The following NAA11 variants were observed in gnomAD, a reference collection of about 807,000 sequenced individuals.
NAA11 encodes the protein N-alpha-acetyltransferase 11, NatA catalytic subunit.
Under a neutral mutation model 16.1 loss-of-function variants are expected in NAA11, and 15 were observed. The ratio of observed to expected loss-of-function variants is 0.93; its 90% CI spans 0.62 to 1.44. NAA11 has a LOEUF of 1.44. NAA11 is among the 40% of genes most tolerant of loss of function. NAA11 has a pLI of 0.00. For missense variants in NAA11, 298 were observed against 291.3 expected, an observed-to-expected ratio of 1.02 and a Z score of -0.17; for synonymous variants, 122 against 112.4, an observed-to-expected ratio of 1.09 and a Z score of -0.54.
the NAA11 span, among the ~76,000 whole-genome samples, chr4:79,179,667 T>C: frequency 1.3e-5 from 2 of 152,248 alleles, no homozygotes; most frequent in South Asian, 2.1e-4. Flanking sequence ...CAAGGAAGTA[T>C]AAGGAAATAT....
chr4:79,189,145 C>CAAAAAAAAAAAAAAAAAAAAAAAA, the NAA11 span, among the ~76,000 whole-genome samples: 75 of 42,278 alleles, frequency 1.8e-3, 16 homozygotes, highest in South Asian at 4.6e-3. Context: ...GACTCCATCT[C>CAAAAAAAAAAAAAAAAAAAAAAAA]AAAAAAAAAA....
At chr4:79,255,830 C>G (rs147706850) in intron 2 of NAA11, among the ~76,000 whole-genome samples, 89 of 152,248 alleles carry the variant, frequency 5.8e-4, no homozygotes, top group African/African-American at 2.0e-3. Flanking sequence ...CAGCTTAGAG[C>G]AGTTTTGCAG....
chr4:79,227,119 T>A (rs1721335071), intron 2 of NAA11: 1 of 152,118 alleles, frequency 6.6e-6, no homozygotes, highest in Non-Finnish European at 1.5e-5. Context: ...ATGATCGCCA[T>A]TCTGACTGGT....
the NAA11 span, among the ~76,000 whole-genome samples, chr4:79,212,705 T>A: frequency 6.6e-6 from 1 of 152,076 alleles, no homozygotes; most frequent in Non-Finnish European, 1.5e-5. Context: ...TAATCCAATA[T>A]ATTGTTATCA....
At chr4:79,179,997 T>G in the NAA11 span, among the ~76,000 whole-genome samples, 4 of 152,098 alleles carry the variant, frequency 2.6e-5, no homozygotes, top group Non-Finnish European at 5.9e-5. Context: ...TCAGATCTCA[T>G]GAGAACTCAC....
chr4:79,172,113 A>G, the NAA11 span, among the ~76,000 whole-genome samples: 1 of 152,170 alleles, frequency 6.6e-6, no homozygotes, highest in African/African-American at 2.4e-5. Context: ...CTATTTTGCT[A>G]TAAGTTTATA....
chr4:79,180,999 A>C, the NAA11 span, among the ~76,000 whole-genome samples: 1 of 151,946 alleles, frequency 6.6e-6, no homozygotes, highest in African/African-American at 2.4e-5. Flanking sequence ...CAAACACCGC[A>C]TGTTCTCACT....
At chr4:79,202,521 T>TACACACACAC in the NAA11 span, among the ~76,000 whole-genome samples, 453 of 135,216 alleles carry the variant, frequency 3.4e-3, 1 homozygote, top group African/African-American at 0.012. Context: ...TAAACTTTTA[T>TACACACACAC]ACACACACAC....
At chr4:79,290,356 AG>A (rs1244890443) in intron 2 of NAA11, among the ~76,000 whole-genome samples, 1 of 152,210 alleles carries the variant, frequency 6.6e-6, no homozygotes, top group African/African-American at 2.4e-5. Context: ...AGCTCAACAA[AG>A]TAACATCATT....
At chr4:79,288,372 G>GA (rs1299139387) in intron 2 of NAA11, among the ~76,000 whole-genome samples, 2 of 151,802 alleles carry the variant, frequency 1.3e-5, no homozygotes, top group Non-Finnish European at 2.9e-5. Context: ...TATGTTGTAA[G>GA]AAAAAAAACA....
the NAA11 span, among the ~76,000 whole-genome samples, chr4:79,184,774 T>C: frequency 4.6e-5 from 7 of 152,288 alleles, no homozygotes; most frequent in African/African-American, 1.4e-4. Context: ...AATAAGTATG[T>C]GTATTTCCGG....
At chr4:79,231,852 G>A (rs1381222409) in intron 2 of NAA11, among the ~76,000 whole-genome samples, 1 of 151,458 alleles carries the variant, frequency 6.6e-6, no homozygotes, top group Non-Finnish European at 1.5e-5. Flanking sequence ...CAAAAATCCT[G>A]AATATGGAAC....
intron 2 of NAA11, among the ~76,000 whole-genome samples, chr4:79,241,904 A>T (rs765763717): frequency 1.3e-5 from 2 of 152,248 alleles, no homozygotes; most frequent in African/African-American, 4.8e-5. Context: ...CTATCACTAC[A>T]TGCTTTTCAA....
downstream of NAA11, among the ~76,000 whole-genome samples, chr4:79,225,210 G>C (rs1273936580): frequency 6.6e-6 from 1 of 151,984 alleles, no homozygotes; most frequent in Non-Finnish European, 1.5e-5. Context: ...GCTATGTACT[G>C]TTTTTGCAAT....
intron 2 of NAA11, among the ~76,000 whole-genome samples, chr4:79,241,702 C>T (rs1457987398): frequency 6.6e-6 from 1 of 152,158 alleles, no homozygotes; most frequent in Non-Finnish European, 1.5e-5. Context: ...ACAATGACTG[C>T]TGGGACTATG....
At chr4:79,245,723 G>A (rs1323476889) in intron 2 of NAA11, among the ~76,000 whole-genome samples, 3 of 151,764 alleles carry the variant, frequency 2.0e-5, no homozygotes, top group Non-Finnish European at 4.4e-5. Context: ...CCTCTGGGAG[G>A]TTGGGGGCGC....
chr4:79,180,839 G>A, the NAA11 span, among the ~76,000 whole-genome samples: 44 of 152,154 alleles, frequency 2.9e-4, 1 homozygote, highest in East Asian at 6.0e-3. Context: ...CCAAATATCC[G>A]TCAATGATAG....
intron 2 of NAA11, among the ~76,000 whole-genome samples, chr4:79,266,936 C>T (rs942434307): frequency 6.6e-6 from 1 of 152,068 alleles, no homozygotes; most frequent in African/African-American, 2.4e-5. Context: ...CATATTCCAC[C>T]AACTCATAGA....
intron 2 of NAA11, among the ~76,000 whole-genome samples, chr4:79,248,943 T>A (rs1452090594): frequency 6.6e-6 from 1 of 152,150 alleles, no homozygotes; most frequent in Non-Finnish European, 1.5e-5. Context: ...GCACTTTGGC[T>A]GGCACCACCC....
Sources: allele counts gnomAD v4.1 joint callset (sites outside exome capture counted in the v4.1 genomes callset), GRCh38; gene constraint gnomAD v4.1.1; transcripts MANE v1.5; gene names NCBI Gene and HGNC (gene_info 2026-07-23, HGNC 2026-07-21).